Variants in RALGAPA2 observed in about 807,000 individuals in gnomAD.
RALGAPA2 encodes the protein Ral GTPase activating protein catalytic subunit alpha 2.
A neutral mutation model predicts 230.4 loss-of-function variants in RALGAPA2; 139 were observed. That is an observed-to-expected ratio of 0.60 (90% CI 0.53 to 0.69). The LOEUF is 0.69. Among genes scored for constraint, RALGAPA2 ranks in the 30% least tolerant of loss-of-function variants. The pLI, the probability that RALGAPA2 is intolerant of heterozygous loss-of-function variation, is 0.00. For synonymous variants in RALGAPA2, 847 were observed against 837.8 expected, an observed-to-expected ratio of 1.01 and a Z score of -0.19; for missense variants, 2,163 against 2,276.0, an observed-to-expected ratio of 0.95 and a Z score of 1.01.
chr20:20,659,598 T>A (rs1346501229), intron 3 of RALGAPA2: 3 of 253,670 alleles, frequency 1.2e-5, no homozygotes, highest in Non-Finnish European at 2.4e-5. Flanking sequence ...TTTACATAAT[T>A]GGAGTTAATA....
chr20:20,393,859 G>T (rs994275243), intron 39 of RALGAPA2, among the ~76,000 whole-genome samples: 1 of 152,182 alleles, frequency 6.6e-6, no homozygotes, highest in African/African-American at 2.4e-5. Flanking sequence ...CAGGGCTGCT[G>T]TCGGTGTGCT....
chr20:20,694,735 T>C (rs1021133524), intron 1 of RALGAPA2, among the ~76,000 whole-genome samples: 1 of 152,132 alleles, frequency 6.6e-6, no homozygotes, highest in African/African-American at 2.4e-5. Context: ...ACCATGCAGA[T>C]GACTATTCAT....
intron 17 of RALGAPA2, among the ~76,000 whole-genome samples, chr20:20,589,830 A>G (rs1417206306): frequency 6.6e-6 from 1 of 152,116 alleles, no homozygotes; most frequent in East Asian, 1.9e-4. Context: ...GCCTGAAAAC[A>G]CTAAAGCTGA....
chr20:20,501,358 T>G (rs907627073), intron 35 of RALGAPA2, among the ~76,000 whole-genome samples: 23 of 152,264 alleles, frequency 1.5e-4, no homozygotes, highest in Admixed American at 1.0e-3. Flanking sequence ...AGCTGCAGCT[T>G]CTGCATGAGC....
intron 37 of RALGAPA2, among the ~76,000 whole-genome samples, chr20:20,453,495 T>C (rs2061037231): frequency 6.6e-6 from 1 of 152,174 alleles, no homozygotes; most frequent in African/African-American, 2.4e-5. Context: ...AGCTCCAAGA[T>C]CACCAAGTTT....
intron 36 of RALGAPA2, among the ~76,000 whole-genome samples, chr20:20,477,086 A>C (rs185097417): frequency 7.5e-4 from 114 of 152,342 alleles, no homozygotes; most frequent in Non-Finnish European, 1.4e-3. Context: ...GAGATGGGGC[A>C]CGAGCAAGAA....
At chr20:20,415,249 CAT>C (rs965925746) in intron 37 of RALGAPA2, among the ~76,000 whole-genome samples, 3 of 152,170 alleles carry the variant, frequency 2.0e-5, no homozygotes, top group African/African-American at 7.2e-5. Flanking sequence ...ACATGTAAGA[CAT>C]GTTAAAATGT....
chr20:20,633,874 C>T (rs1156357683), intron 9 of RALGAPA2, among the ~76,000 whole-genome samples: 2 of 152,192 alleles, frequency 1.3e-5, no homozygotes, highest in African/African-American at 4.8e-5. Flanking sequence ...CCAACTATTC[C>T]AATACCATTA....
rs576167604 is a variant in RALGAPA2, at chr20:20,689,627, C to T, written c.107-8826G>A. 2.2e-3 allele frequency among the ~76,000 whole-genome samples: 331 copies of T among 152,224 alleles called. 1 individual carries two copies. The highest frequency in any genetic ancestry group is 7.1e-3 in the African/African-American group (295 of 41,518). ...ACTGCACACCAGCCTGGTGACAGGG[C>T]GAGACTCCGTCTCAAAAAGATAAAA... On this transcript the variant is annotated intron_variant, in intron 1 of 39. Coordinates refer to ENST00000202677, the MANE Select transcript of RALGAPA2 (RefSeq NM_020343.4).
In RALGAPA2 at chr20:20,391,839, C is replaced by T. The variant is rs1244899951; in HGVS notation, c.*1450G>A. 1 of 152,810 alleles carries T rather than the reference C, an allele frequency of 6.5e-6. No homozygotes were observed. The highest frequency in any genetic ancestry group is 1.5e-5 in the Non-Finnish European group (1 of 68,498). The allele number at this position is 152,810 out of a possible 1,614,324, so 9.5% of individuals were successfully genotyped here. A position where few individuals can be genotyped will look rare whatever the true frequency, so the allele number is the denominator to read the frequency against. On this transcript the variant is annotated 3_prime_UTR_variant, in exon 40 of 40. Transcript: ENST00000202677. ...GGGCCCGCCTTTCCCAGGACCAGCC[C>T]ACCCATCATAAGCCCTGAGTTAGGG...
chr20:20,634,176 T>G (rs2066778243), intron 9 of RALGAPA2, among the ~76,000 whole-genome samples: 1 of 152,090 alleles, frequency 6.6e-6, no homozygotes, highest in Non-Finnish European at 1.5e-5. Flanking sequence ...AGATAAACTC[T>G]TATTATTTGT....
intron 35 of RALGAPA2, 68 bp downstream of exon 35, chr20:20,503,283 G>C (rs2062430753): frequency 2.1e-5 from 27 of 1,292,006 alleles, no homozygotes; most frequent in Non-Finnish European, 2.4e-5. Context: ...CCTTGTATTT[G>C]TCTGTCCTAG....
intron 36 of RALGAPA2, among the ~76,000 whole-genome samples, chr20:20,480,604 C>G (rs987372702): frequency 1.3e-5 from 2 of 152,116 alleles, no homozygotes; most frequent in African/African-American, 4.8e-5. Context: ...TTAGGCTCCA[C>G]AGACCACTGG....
chr20:20,440,778 C>T (rs771122227), intron 37 of RALGAPA2, among the ~76,000 whole-genome samples: 27 of 152,212 alleles, frequency 1.8e-4, no homozygotes, highest in Non-Finnish European at 2.9e-4. Flanking sequence ...GCCAGGTGGT[C>T]GCGCTTCAAT....
chr20:20,674,720 G>A lies in RALGAPA2; in HGVS notation c.270+1516C>T, dbSNP rs144470884. On this transcript the variant is annotated intron_variant, in intron 3 of 39. Coordinates refer to ENST00000202677, the MANE Select transcript of RALGAPA2 (RefSeq NM_020343.4). ...ATAAATCTTAGAATTAATGTTGAGGGTAAAAAGCATGTCGAAGGTGATTAT... is the reference window on the plus strand; with the variant it reads ...ATAAATCTTAGAATTAATGTTGAGGATAAAAAGCATGTCGAAGGTGATTAT... 7.2e-3 allele frequency among the ~76,000 whole-genome samples: 1,100 copies of A among 152,258 alleles called. 11 individuals carry two copies. The highest frequency in any genetic ancestry group is 0.025 in the African/African-American group (1,056 of 41,538).
At chr20:20,450,148 A>G (rs1245406630) in intron 37 of RALGAPA2, among the ~76,000 whole-genome samples, 1 of 152,240 alleles carries the variant, frequency 6.6e-6, no homozygotes, top group Non-Finnish European at 1.5e-5. Context: ...GCTAGCAAAA[A>G]GACAGAAAAA....
At chr20:20,711,566 C>T (rs1440460068) in intron 1 of RALGAPA2, among the ~76,000 whole-genome samples, 1 of 152,140 alleles carries the variant, frequency 6.6e-6, no homozygotes, top group African/African-American at 2.4e-5. Flanking sequence ...CACCTCACAC[C>T]CACAGGGGCG....
chr20:20,617,387 GA>G lies in RALGAPA2; in HGVS notation c.1540-1197del, dbSNP rs1380503093. ...AAATAAGCACTATAATATAGTTGAT[GA>G]TGATGATAACTTCAGTCATGAAGAA... On this transcript the variant is annotated intron_variant, in intron 12 of 39. Coordinates refer to ENST00000202677, the MANE Select transcript of RALGAPA2 (RefSeq NM_020343.4). Among the ~76,000 whole-genome samples the G allele has an allele frequency of 6.6e-5, 10 of 152,256 alleles. No individual in the cohort carries two copies. The South Asian group carries it at 2.1e-3, about 32-fold the overall frequency.
Position 20,601,820 on chromosome 20 carries a change from T to C in RALGAPA2, c.2065A>G (p.Thr689Ala), listed in dbSNP as rs2065663506. The C allele has an allele frequency of 1.9e-6, 3 of 1,609,800 alleles. No individual in the cohort carries two copies. In the Middle Eastern group the frequency reaches 5.0e-4, roughly 267 times the overall value. Residue 689 changes from threonine to alanine, a missense_variant, in exon 16 of 40, where the codon ACC (threonine) becomes GCC (alanine). Physicochemically the swap from Thr to Ala is moderately conservative, Grantham distance 58. Coordinates refer to ENST00000202677, the MANE Select transcript of RALGAPA2 (RefSeq NM_020343.4). ...KGCVLDPQKG[T>A]TVGRSFSLSW... is the part of the protein sequence containing the mutation. ...AGAGAAAAGGACCTCCCCACGGTGG[T>C]TCCTTTCTGAGGATCTAGAACACAG...
Sources: allele counts gnomAD v4.1 joint callset (sites outside exome capture counted in the v4.1 genomes callset), GRCh38; gene constraint gnomAD v4.1.1; transcripts MANE v1.5; gene names NCBI Gene and HGNC (gene_info 2026-07-23, HGNC 2026-07-21).